GLDC: variants seen among roughly 807,000 people sequenced by gnomAD.
The protein encoded by GLDC is glycine decarboxylase.
A neutral mutation model predicts 121.3 loss-of-function variants in GLDC; 104 were observed. The observed-to-expected ratio is 0.86, with a 90% CI of 0.73 to 1.01. The LOEUF (loss-of-function observed/expected upper bound fraction) is 1.01. GLDC is among the 50% of genes least tolerant of loss of function. The probability of loss-of-function intolerance (pLI) is 0.00; values close to 1 mark genes in which losing one functional copy is unlikely to be tolerated. For synonymous variants in GLDC, 546 were observed against 480.6 expected (o/e 1.14, Z -1.78); for missense variants, 1,429 against 1,306.6 (o/e 1.09, Z -1.44).
chr9:6,604,523 T>A (rs935058843), intron 7 of GLDC, 65 bp downstream of exon 7: 25 of 1,407,982 alleles, frequency 1.8e-5, no homozygotes, highest in Non-Finnish European at 2.0e-5. Context: ...AATCAACATT[T>A]GTGATCAGAA....
chr9:6,535,969 T>C (rs1817117947), intron 23 of GLDC, 95 bp downstream of exon 23: 1 of 1,026,594 alleles, frequency 9.7e-7, no homozygotes, highest in Non-Finnish European at 1.5e-6. Context: ...AAGAGTATCA[T>C]CCTCAGTTGA....
intron 21 of GLDC, among the ~76,000 whole-genome samples, chr9:6,550,231 T>G (rs927437129): frequency 1.3e-5 from 2 of 152,238 alleles, no homozygotes; most frequent in Non-Finnish European, 2.9e-5. Flanking sequence ...GGTATTTATG[T>G]ACACATTTCA....
intron 15 of GLDC, among the ~76,000 whole-genome samples, chr9:6,584,369 A>G (rs1482862256): frequency 6.6e-6 from 1 of 152,238 alleles, no homozygotes; most frequent in Non-Finnish European, 1.5e-5. Flanking sequence ...CTTACAAAAA[A>G]TGTGACGTGC....
chr9:6,630,794 C>A (rs1819359735), intron 2 of GLDC, among the ~76,000 whole-genome samples: 2 of 152,122 alleles, frequency 1.3e-5, no homozygotes, highest in Non-Finnish European at 2.9e-5. Context: ...AATTTGGAAG[C>A]AGATTCCATC....
At chr9:6,592,810 A>G (rs780494618) in intron 10 of GLDC, 41 bp downstream of exon 10, 36 of 1,593,480 alleles carry the variant, frequency 2.3e-5, no homozygotes, top group Non-Finnish European at 2.6e-5. Flanking sequence ...AACAATGTGA[A>G]AATTTGAAAA....
intron 3 of GLDC, among the ~76,000 whole-genome samples, chr9:6,612,253 T>TCTCACA (rs1554648951): frequency 6.7e-6 from 1 of 150,000 alleles, no homozygotes; most frequent in African/African-American, 2.5e-5. Context: ...TCTCTCTCTC[T>TCTCACA]CACACACACT....
At chr9:6,574,765 A>G (rs977374754) in intron 15 of GLDC, among the ~76,000 whole-genome samples, 3 of 151,894 alleles carry the variant, frequency 2.0e-5, no homozygotes, top group Admixed American at 6.6e-5. Flanking sequence ...CAGGTCTCTC[A>G]TATTTGGCCC....
At chr9:6,564,511 G>GC (rs2129755221) in intron 16 of GLDC, among the ~76,000 whole-genome samples, 1 of 152,320 alleles carries the variant, frequency 6.6e-6, no homozygotes, top group East Asian at 1.9e-4. Context: ...TAGCCAGCCA[G>GC]CACCACCCTA....
At chr9:6,612,592 G>A (rs1818881052) in intron 3 of GLDC, among the ~76,000 whole-genome samples, 2 of 151,932 alleles carry the variant, frequency 1.3e-5, no homozygotes, top group Admixed American at 1.3e-4. Flanking sequence ...CAGGCGCAGT[G>A]GCTCATGCCT....
At chr9:6,636,303 C>CA (rs199905592) in intron 2 of GLDC, among the ~76,000 whole-genome samples, 1,315 of 100,342 alleles carry the variant, frequency 0.013, 3 homozygotes, top group African/African-American at 0.015. Context: ...GACTCCGTCT[C>CA]AAAAAAAAAA....
chr9:6,644,305 A>T (rs1361276567), intron 2 of GLDC, among the ~76,000 whole-genome samples: 1 of 151,846 alleles, frequency 6.6e-6, no homozygotes, highest in Non-Finnish European at 1.5e-5. Flanking sequence ...GTATGAGAGC[A>T]CCCTGGCCGG....
At chr9:6,574,037 T>C (rs550314862) in intron 15 of GLDC, among the ~76,000 whole-genome samples, 4 of 152,372 alleles carry the variant, frequency 2.6e-5, no homozygotes, top group Admixed American at 2.6e-4. Context: ...GTAATGTTCT[T>C]ACCAATCTGT....
chr9:6,621,208 G>A (rs943844536), intron 2 of GLDC, among the ~76,000 whole-genome samples: 2 of 152,130 alleles, frequency 1.3e-5, no homozygotes, highest in Non-Finnish European at 1.5e-5. Flanking sequence ...CCCTTATGCA[G>A]TTTCTACCAG....
chr9:6,610,705 T>C (rs1023810320), intron 3 of GLDC, among the ~76,000 whole-genome samples: 1 of 152,166 alleles, frequency 6.6e-6, no homozygotes, highest in Non-Finnish European at 1.5e-5. Flanking sequence ...GCTCAAGAGA[T>C]CCTCTGGCCT....
At chr9:6,637,716 C>T (rs1022877353) in intron 2 of GLDC, among the ~76,000 whole-genome samples, 1 of 152,174 alleles carries the variant, frequency 6.6e-6, no homozygotes, top group East Asian at 1.9e-4. Context: ...ATCCATCCGC[C>T]TCAGCCTCCC....
At chr9:6,600,190 C>A (rs1400660300) in intron 8 of GLDC, among the ~76,000 whole-genome samples, 1 of 152,092 alleles carries the variant, frequency 6.6e-6, no homozygotes, top group Non-Finnish European at 1.5e-5. Context: ...AAAGTGAGAC[C>A]TCGCCTCTAC....
At chr9:6,581,935 G>A (rs988874361) in intron 15 of GLDC, among the ~76,000 whole-genome samples, 2 of 152,086 alleles carry the variant, frequency 1.3e-5, no homozygotes, top group African/African-American at 4.8e-5. Context: ...GAACATATAG[G>A]CTGGGCGTGG....
At chr9:6,586,468 C>T (rs946945079) in intron 15 of GLDC, among the ~76,000 whole-genome samples, 1 of 152,102 alleles carries the variant, frequency 6.6e-6, no homozygotes, top group South Asian at 2.1e-4. Flanking sequence ...CAAAGTCTTT[C>T]CTTTACAAAG....
At chr9:6,614,029 G>C (rs1240864519) in intron 3 of GLDC, among the ~76,000 whole-genome samples, 1 of 151,954 alleles carries the variant, frequency 6.6e-6, no homozygotes, top group Non-Finnish European at 1.5e-5. Flanking sequence ...TGCCCACCCT[G>C]GCCTCCCAAA....
Sources: allele counts gnomAD v4.1 joint callset (sites outside exome capture counted in the v4.1 genomes callset), GRCh38; gene constraint gnomAD v4.1.1; transcripts MANE v1.5; gene names NCBI Gene and HGNC (gene_info 2026-07-23, HGNC 2026-07-21).